STK35: variants seen among roughly 807,000 people sequenced by gnomAD.
The protein encoded by STK35 is serine/threonine-protein kinase 35.
Under a neutral mutation model 37.3 loss-of-function variants are expected in STK35, and 17 were observed. That is an observed-to-expected ratio of 0.46 (90% confidence interval 0.31 to 0.68). The LOEUF is 0.68. Among genes scored for constraint, STK35 ranks in the 30% least tolerant of loss-of-function variants. STK35 has a pLI of 0.05. For missense variants in STK35, 595 were observed against 746.7 expected, an observed-to-expected ratio of 0.80 and a Z score of 2.37; for synonymous variants, 385 against 319.1, an observed-to-expected ratio of 1.21 and a Z score of -2.20.
In STK35 at chr20:2,103,181, C is replaced by T; in HGVS notation, c.708C>T (p.Asp236=). The change falls in exon 2 of 4, where the codon GAC becomes GAT. Residue 236 remains aspartate (D), a synonymous_variant. Coordinates refer to ENST00000381482, the MANE Select transcript of STK35 (RefSeq NM_080836.4). ...ARVAVKKIRC[D]APENVELALA... ...TGGCGGTCAAGAAGATCCGCTGCGA[C>T]GCCCCCGAGAACGTGGAGCTGGCGC... 1 of 1,607,790 alleles carries T rather than the reference C, an allele frequency of 6.2e-7. No homozygotes were observed. Among genetic ancestry groups the T allele is most frequent in the Non-Finnish European group, 8.5e-7 (1 of 1,179,168 alleles).
chr20:2,102,951 C>T lies in STK35; in HGVS notation c.478C>T (p.Pro160Ser). The T allele has an allele frequency of 2.0e-6, 3 of 1,487,156 alleles. No individual in the cohort carries two copies. The highest frequency in any genetic ancestry group is 2.3e-5 in the Admixed American group (1 of 44,180). 92.1% of individuals were successfully genotyped at this position (1,487,156 alleles called of 1,614,324 possible). A position where few individuals can be genotyped will look rare whatever the true frequency, so the allele number is the denominator to read the frequency against. Residue 160 changes from proline (P) to serine (S), a missense_variant, in exon 2 of 4, where the codon CCC becomes TCC. Transcript: ENST00000381482. ...AAGGCGAAGCCCAGTGCCGCGGGCG[C>T]CCAGCACGAAGCTGAGGCCGGCGGC... is the stretch of plus-strand genomic sequence containing the variant. ...RKRRSPVPRA[P>S]STKLRPAAAA...
In STK35 at chr20:2,144,175, C is replaced by T; in HGVS notation, c.*429C>T. The T allele has an allele frequency of 3.3e-6, 1 of 300,440 alleles. No homozygotes were observed. The allele number at this position is 300,440 out of a possible 1,614,324, so 18.6% of individuals were successfully genotyped here. A position where few individuals can be genotyped will look rare whatever the true frequency, so the allele number is the denominator to read the frequency against. On this transcript the variant is annotated 3_prime_UTR_variant, in exon 4 of 4. Transcript: ENST00000381482. ...CTGTCTTCCTTCTTTATACTTTTCT[C>T]AGTTCTACTTATGACACCTCACTTC...
intron 2 of STK35, among the ~76,000 whole-genome samples, chr20:2,107,897 G>C (rs1985546682): frequency 6.6e-6 from 1 of 152,218 alleles, no homozygotes; most frequent in South Asian, 2.1e-4. Flanking sequence ...TAAAATGCTA[G>C]ACTCAGAGTC....
chr20:2,108,794 G>T (rs946637877), intron 2 of STK35, among the ~76,000 whole-genome samples: 2 of 152,248 alleles, frequency 1.3e-5, no homozygotes, highest in Admixed American at 6.5e-5. Flanking sequence ...GTTGGGTAAG[G>T]CTTTTTATAG....
chr20:2,105,628 C>T (rs1985499931), intron 2 of STK35, among the ~76,000 whole-genome samples: 1 of 152,164 alleles, frequency 6.6e-6, no homozygotes, highest in Non-Finnish European at 1.5e-5. Context: ...GGGTATGTAC[C>T]TATGACATTA....
chr20:2,117,115 A>T lies in STK35; in HGVS notation c.1342A>T (p.Ile448Leu). 6.2e-7 allele frequency: 1 copy of T among 1,613,836 alleles called. No homozygotes were observed. Among genetic ancestry groups the T allele is most frequent in the Non-Finnish European group, 8.5e-7 (1 of 1,179,804 alleles). Residue 448 changes from isoleucine to leucine, a missense_variant, in exon 3 of 4, where the codon ATA becomes TTA. Transcript: ENST00000381482. This position sits in a 1 kb window ranked among gnomAD's most constrained non-coding sequence, Gnocchi z 4.4. ...CCTGGGCATTATCATCTGGGCAATG[A>T]TAGAAAGAATCACTTTTATTGACTC... ...FALGIIIWAM[I>L]ERITFIDSET... is the part of the protein sequence containing the mutation.
At chr20:2,109,129 G>A (rs1051826948) in intron 2 of STK35, among the ~76,000 whole-genome samples, 3 of 152,216 alleles carry the variant, frequency 2.0e-5, no homozygotes, top group African/African-American at 7.2e-5. Context: ...CAGTCTAATG[G>A]AAGAGATGGT....
chr20:2,118,016 A>C (rs1350749363), intron 3 of STK35, among the ~76,000 whole-genome samples: 4 of 152,182 alleles, frequency 2.6e-5, no homozygotes, highest in African/African-American at 9.7e-5. Flanking sequence ...CTCACTGTAG[A>C]AAATGTGCAT....
intron 2 of STK35, among the ~76,000 whole-genome samples, chr20:2,104,475 C>T (rs886899960): frequency 6.6e-6 from 1 of 152,186 alleles, no homozygotes; most frequent in Non-Finnish European, 1.5e-5. Flanking sequence ...TTAGACTGTA[C>T]TCCTGGTTTC....
intron 1 of STK35, 34 bp downstream of exon 1, chr20:2,102,209 C>A (rs1282946224): frequency 7.3e-7 from 1 of 1,367,434 alleles, no homozygotes; most frequent in Non-Finnish European, 9.4e-7. Context: ...AAGGCCAGCG[C>A]CGAGGCTGGA....
At chr20:2,139,934 A>G (rs545569171) in intron 3 of STK35, among the ~76,000 whole-genome samples, 1 of 152,220 alleles carries the variant, frequency 6.6e-6, no homozygotes, top group Non-Finnish European at 1.5e-5. Flanking sequence ...CTCAGGTGCA[A>G]GCTACTGGAA....
intron 2 of STK35, 67 bp downstream of exon 2, chr20:2,103,432 C>G: frequency 6.8e-7 from 1 of 1,475,968 alleles, no homozygotes; most frequent in South Asian, 1.3e-5. Flanking sequence ...ACGGCTTGGC[C>G]CACACTGTTC....
chr20:2,136,782 A>G (rs1358794123), intron 3 of STK35, among the ~76,000 whole-genome samples: 1 of 152,236 alleles, frequency 6.6e-6, no homozygotes, highest in Admixed American at 6.5e-5. Context: ...TCCTGCAGGA[A>G]GCTCAGGGTC....
At chr20:2,105,013 C>T (rs1056845951) in intron 2 of STK35, among the ~76,000 whole-genome samples, 18 of 151,932 alleles carry the variant, frequency 1.2e-4, no homozygotes, top group African/African-American at 4.4e-4. Flanking sequence ...AAAAAATAGC[C>T]GGACCTGATG....
intron 1 of STK35, among the ~76,000 whole-genome samples, chr20:2,102,543 A>C (rs1007687418): frequency 6.6e-6 from 1 of 152,138 alleles, no homozygotes; most frequent in African/African-American, 2.4e-5. Context: ...GCTAACAGAG[A>C]GAGCGGAGAG....
chr20:2,116,952 C>T lies in STK35; in HGVS notation c.1179C>T (p.Pro393=), dbSNP rs1568575963. 1 of 1,614,026 alleles carries T rather than the reference C, an allele frequency of 6.2e-7. No homozygotes were observed. The highest frequency in any genetic ancestry group is 8.5e-7 in the Non-Finnish European group (1 of 1,180,026). ...GCAAGGTCTGTGCTGGGCTGGCACC[C>T]CGAGGCAAAGAGGGCAATCAAGACA... ...GLSKVCAGLA[P]RGKEGNQDNK... The change falls in exon 3 of 4, where the codon CCC becomes CCT. Residue 393 remains proline, a synonymous_variant. Coordinates refer to ENST00000381482, the MANE Select transcript of STK35 (RefSeq NM_080836.4).
At chr20:2,109,049 G>A (rs1985569006) in intron 2 of STK35, among the ~76,000 whole-genome samples, 1 of 151,922 alleles carries the variant, frequency 6.6e-6, no homozygotes, top group South Asian at 2.1e-4. Context: ...CCCTCTTATC[G>A]ACCACCTAGG....
At chr20:2,129,661 G>A (rs915365811) in intron 3 of STK35, among the ~76,000 whole-genome samples, 4 of 152,156 alleles carry the variant, frequency 2.6e-5, no homozygotes, top group South Asian at 2.1e-4. Flanking sequence ...TTTGAGAGAC[G>A]TGTCATACGA....
chr20:2,119,127 A>T (rs191061905), intron 3 of STK35, among the ~76,000 whole-genome samples: 50 of 152,342 alleles, frequency 3.3e-4, no homozygotes, highest in Non-Finnish European at 6.6e-4. Flanking sequence ...ACTTGGTTTC[A>T]TGTGTAGTAT....
Sources: gnomAD v4.1 joint callset for allele counts (sites outside exome capture counted in the v4.1 genomes callset) on GRCh38, gnomAD v4.1.1 for gene constraint, Gnocchi (gnomAD v3.1) non-coding constraint, MANE v1.5 for transcripts, NCBI Gene and HGNC (gene_info 2026-07-23, HGNC 2026-07-21) for gene names.